MECOM: variants seen among roughly 807,000 people sequenced by gnomAD.
The protein encoded by MECOM is MDS1 and EVI1 complex locus.
In MECOM, 13 loss-of-function variants were observed where a neutral mutation model predicts 116.3. The ratio of observed to expected loss-of-function variants is 0.11; its 90% CI spans 0.07 to 0.18. The LOEUF (loss-of-function observed/expected upper bound fraction) is 0.18. Ranked by LOEUF, MECOM falls within the 10% of genes least tolerant of loss-of-function variation. The probability of loss-of-function intolerance (pLI) is 1.00; values close to 1 mark genes in which losing one functional copy is unlikely to be tolerated. For synonymous variants in MECOM, 528 were observed against 535.2 expected, an observed-to-expected ratio of 0.99 and a Z score of 0.19; for missense variants, 1,299 against 1,509.0, an observed-to-expected ratio of 0.86 and a Z score of 2.31.
At chr3:169,503,039 C>T (rs1199723454) in intron 1 of MECOM, among the ~76,000 whole-genome samples, 2 of 152,172 alleles carry the variant, frequency 1.3e-5, no homozygotes, top group East Asian at 3.9e-4. Context: ...ACTTACCACA[C>T]ACCAGGCAAT....
Position 169,104,139 on chromosome 3 carries a change from C to A in MECOM, c.2605-1913G>T, listed in dbSNP as rs150895359. The stretch of plus-strand genomic sequence containing the variant: ...GCTGCTAAAACATTCTCCACAGATG[C>A]AAGTGGACAGCACATTTGTCACTAT... On this transcript the variant is annotated intron_variant, in intron 10 of 16. Coordinates refer to ENST00000651503, the MANE Select transcript of MECOM (RefSeq NM_004991.4). Among the ~76,000 whole-genome samples the A allele has an allele frequency of 9.2e-3, 1,405 of 152,262 alleles. 21 individuals are homozygous for A. Among genetic ancestry groups the A allele is most frequent in the African/African-American group, 0.033 (1,357 of 41,554 alleles).
At chr3:169,476,428 A>C (rs1750384112) in intron 1 of MECOM, among the ~76,000 whole-genome samples, 1 of 152,224 alleles carries the variant, frequency 6.6e-6, no homozygotes, top group South Asian at 2.1e-4. Flanking sequence ...TTTGCAGAGT[A>C]CAGTGTAAAG....
chr3:169,315,340 G>A (rs1271526867), intron 2 of MECOM, among the ~76,000 whole-genome samples: 1 of 152,110 alleles, frequency 6.6e-6, no homozygotes, highest in Non-Finnish European at 1.5e-5. Flanking sequence ...TGTCCTGTTT[G>A]GCTCTTTTCA....
At chr3:169,530,244 T>G (rs1326509419) in intron 1 of MECOM, among the ~76,000 whole-genome samples, 2 of 152,204 alleles carry the variant, frequency 1.3e-5, no homozygotes, top group Non-Finnish European at 2.9e-5. Context: ...TTGGGGGTAC[T>G]TCTTAAATTG....
chr3:169,333,734 C>T (rs1376264178), intron 2 of MECOM, among the ~76,000 whole-genome samples: 3 of 151,918 alleles, frequency 2.0e-5, no homozygotes, highest in African/African-American at 7.3e-5. Context: ...AATATGAAAA[C>T]AAATCATTTT....
At chr3:169,605,956 G>A (rs1768483659) in intron 1 of MECOM, among the ~76,000 whole-genome samples, 1 of 152,162 alleles carries the variant, frequency 6.6e-6, no homozygotes, top group South Asian at 2.1e-4. Flanking sequence ...AGATGACTCT[G>A]TAAAGAAACC....
At chr3:169,587,468 CACACAT>C (rs1457193358) in intron 1 of MECOM, among the ~76,000 whole-genome samples, 61 of 126,230 alleles carry the variant, frequency 4.8e-4, no homozygotes, top group Admixed American at 1.1e-3. Flanking sequence ...CACACACACA[CACACAT>C]AAACAATCAC....
chr3:169,307,640 C>T (rs891457107), intron 2 of MECOM, among the ~76,000 whole-genome samples: 2 of 152,252 alleles, frequency 1.3e-5, no homozygotes, highest in South Asian at 2.1e-4. Context: ...TGTAAATGGC[C>T]TCCTGTTAAA....
intron 1 of MECOM, among the ~76,000 whole-genome samples, chr3:169,637,882 G>A (rs1773007499): frequency 2.0e-5 from 3 of 152,144 alleles, no homozygotes; most frequent in South Asian, 4.1e-4. Flanking sequence ...TATGCAACTG[G>A]GGTCAAAGGA....
At chr3:169,229,149 T>C (rs1560019669) in intron 2 of MECOM, among the ~76,000 whole-genome samples, 2 of 152,164 alleles carry the variant, frequency 1.3e-5, no homozygotes, top group Admixed American at 6.5e-5. Context: ...AGGGGTTCCA[T>C]AAAAATCTGC....
intron 2 of MECOM, among the ~76,000 whole-genome samples, chr3:169,318,655 T>C (rs1720226413): frequency 6.6e-6 from 1 of 152,160 alleles, no homozygotes; most frequent in Non-Finnish European, 1.5e-5. Context: ...TAGGAATGCT[T>C]TTACACTGTT....
intron 2 of MECOM, among the ~76,000 whole-genome samples, chr3:169,254,484 AT>A (rs1408857826): frequency 6.6e-6 from 1 of 152,204 alleles, no homozygotes; most frequent in Non-Finnish European, 1.5e-5. Flanking sequence ...ACAAAAGTTC[AT>A]GTCATCTTGA....
intron 2 of MECOM, among the ~76,000 whole-genome samples, chr3:169,288,627 G>A (rs1394362153): frequency 1.3e-5 from 2 of 152,094 alleles, no homozygotes; most frequent in Admixed American, 1.3e-4. Context: ...GGGGTGGGGA[G>A]GCATCTGAAG....
intron 9 of MECOM, among the ~76,000 whole-genome samples, chr3:169,112,095 T>C (rs1727591546): frequency 6.6e-6 from 1 of 152,188 alleles, no homozygotes; most frequent in Non-Finnish European, 1.5e-5. Context: ...GTATTTGTTC[T>C]TTCAATACGA....
rs1553811020 is a variant in MECOM, at chr3:169,338,600, G to GGGGT, written c.375+42586_375+42587insACCC. 2.2e-3 allele frequency among the ~76,000 whole-genome samples: 319 copies of GGGGT among 146,546 alleles called. 1 individual carries two copies. Among genetic ancestry groups the GGGGT allele is most frequent in the African/African-American group, 7.7e-3 (305 of 39,624 alleles). ...ATTTAGGAAATGTATTTATGTTAGG[G>GGGGT]GTGTGTGTGTGTGTGTGTGTGTGTG... On this transcript the variant is annotated intron_variant, in intron 2 of 16. Coordinates refer to ENST00000651503, the MANE Select transcript of MECOM (RefSeq NM_004991.4).
chr3:169,468,720 A>C (rs1264139748), intron 1 of MECOM, among the ~76,000 whole-genome samples: 2 of 152,270 alleles, frequency 1.3e-5, no homozygotes, highest in Non-Finnish European at 2.9e-5. Flanking sequence ...TCATTAATGC[A>C]TAATGGTAGC....
At chr3:169,180,876 T>C (rs1395541289) in intron 2 of MECOM, among the ~76,000 whole-genome samples, 1 of 148,218 alleles carries the variant, frequency 6.7e-6, no homozygotes, top group Non-Finnish European at 1.5e-5. Flanking sequence ...TCAATAAATA[T>C]ATATTTAGCA....
At chr3:169,378,504 A>G (rs1363501639) in intron 2 of MECOM, among the ~76,000 whole-genome samples, 7 of 25,636 alleles carry the variant, frequency 2.7e-4, no homozygotes, top group African/African-American at 1.1e-3. Context: ...AAAGAAAGAA[A>G]GAAAGAAAGA....
At chr3:169,227,307 C>CAG (rs573837630) in intron 2 of MECOM, among the ~76,000 whole-genome samples, 147 of 151,376 alleles carry the variant, frequency 9.7e-4, no homozygotes, top group African/African-American at 3.3e-3. Context: ...AAAATATACC[C>CAG]AGAGAGAGAG....
Sources: gnomAD v4.1 joint callset for allele counts (sites outside exome capture counted in the v4.1 genomes callset) on GRCh38, gnomAD v4.1.1 for gene constraint, MANE v1.5 for transcripts, NCBI Gene and HGNC (gene_info 2026-07-23, HGNC 2026-07-21) for gene names.